The following P2RX6 variants were observed in gnomAD, a reference collection of about 807,000 sequenced individuals.
The protein encoded by P2RX6 is purinergic receptor P2X 6, also known as P2X purinoceptor 6.
A neutral mutation model predicts 54.2 loss-of-function variants in P2RX6; 62 were observed. The ratio of observed to expected loss-of-function variants is 1.14; its 90% CI spans 0.93 to 1.41. The LOEUF is 1.41. Ranked by LOEUF, P2RX6 falls within the 40% of genes most tolerant of loss-of-function variation. The probability of loss-of-function intolerance (pLI) is 0.00; values close to 1 mark genes in which losing one functional copy is unlikely to be tolerated. For missense variants in P2RX6, 541 were observed against 566.3 expected (o/e 0.96, Z 0.45); for synonymous variants, 211 against 231.9 (o/e 0.91, Z 0.82).
upstream of P2RX6, among the ~76,000 whole-genome samples, chr22:21,013,407 C>T (rs1035504606): frequency 1.3e-4 from 20 of 152,210 alleles, no homozygotes; most frequent in African/African-American, 4.6e-4. Context: ...AGCTGGACAA[C>T]CTGGGCAACA....
At chr22:21,018,922 G>GATTTCTGGAT (rs925440857) in intron 3 of P2RX6, 1 of 151,998 alleles carries the variant, frequency 6.6e-6, no homozygotes, top group Non-Finnish European at 1.5e-5. Flanking sequence ...CGCCCGGCCT[G>GATTTCTGGAT]ATTTCTGGAT....
At chr22:21,024,791 G>C (rs138356860) in intron 8 of P2RX6, among the ~76,000 whole-genome samples, 2 of 148,556 alleles carry the variant, frequency 1.3e-5, no homozygotes, top group African/African-American at 2.5e-5. Flanking sequence ...GGCTGGTCTC[G>C]AACTTCTGAC....
chr22:21,025,693 T>C, intron 8 of P2RX6, 112 bp from the exon 9 acceptor site: 1 of 739,284 alleles, frequency 1.4e-6, no homozygotes, highest in Non-Finnish European at 2.3e-6. Context: ...GGACTCAGGC[T>C]TGGGCTGGGG....
rs1342065542 is a variant in P2RX6 at position 21,026,720 on chromosome 22, C to T, written c.*103C>T. The T allele has an allele frequency of 4.7e-6, 7 of 1,474,434 alleles. No homozygotes were observed. Among genetic ancestry groups the T allele is most frequent in the African/African-American group, 1.4e-5 (1 of 71,200 alleles). 91.3% of individuals were successfully genotyped at this position (1,474,434 alleles called of 1,614,324 possible). A position where few individuals can be genotyped will look rare whatever the true frequency, so the allele number is the denominator to read the frequency against. The stretch of plus-strand genomic sequence containing the variant: ...ATGGAGGATTGGGGGTAGAATTCCA[C>T]CCTTGAACCCCAGCAGACAGTCCCT... On this transcript the variant is annotated 3_prime_UTR_variant, in exon 12 of 12. Transcript: ENST00000413302. This position sits in a 1 kb window ranked among gnomAD's most constrained non-coding sequence, Gnocchi z 4.0.
upstream of P2RX6, chr22:21,013,758 A>G (rs1356406480): frequency 6.6e-6 from 1 of 152,272 alleles, no homozygotes; most frequent in East Asian, 1.9e-4. Flanking sequence ...TCTAAATTCT[A>G]TACATCCATT....
chr22:21,015,952 C>T lies in P2RX6; in HGVS notation c.175C>T (p.Leu59Phe). 6.5e-7 allele frequency: 1 copy of T among 1,549,744 alleles called. No individual in the cohort carries two copies. The highest frequency in any genetic ancestry group is 8.7e-7 in the Non-Finnish European group (1 of 1,146,926). ...IVVYVVGWAL[L>F]AKKGYQERDL... Reference sequence around the variant, plus strand: ...ACTTCTCCTCCCCAGGTGGGCTCTCCTCGCCAAAAAAGGCTACCAGGAGCG... The same window carrying T: ...ACTTCTCCTCCCCAGGTGGGCTCTCTTCGCCAAAAAAGGCTACCAGGAGCG... The change falls in exon 2 of 12, where the codon CTC (leucine) becomes TTC (phenylalanine). Residue 59 changes from leucine to phenylalanine, a missense_variant. Leu to Phe is a conservative substitution (Grantham distance 22). This residue lies in a region of P2RX6 where 526 missense variants were observed against 531.5 expected (regional missense o/e 0.99). Transcript: ENST00000413302.
Position 21,026,811 on chromosome 22 carries a change from C to T in P2RX6, c.*194C>T, listed in dbSNP as rs529044977. 5.2e-5 allele frequency: 63 copies of T among 1,202,222 alleles called. No homozygotes were observed. The highest frequency in any genetic ancestry group is 1.8e-4 in the East Asian group (7 of 38,728). 74.5% of individuals were successfully genotyped at this position (1,202,222 alleles called of 1,614,324 possible). On this transcript the variant is annotated 3_prime_UTR_variant, in exon 12 of 12. Coordinates refer to ENST00000413302, the MANE Select transcript of P2RX6 (RefSeq NM_005446.5). The surrounding 1 kb of genome is among the most constrained non-coding windows in gnomAD (Gnocchi z 4.0). ...CATAGAAGTCGGCTGTGTTTTGAGA[C>T]GGCGACAGAACCTGACCCGTGGAGA...
At chr22:21,022,637 C>G (rs766639746) in intron 3 of P2RX6, 39 bp from the exon 4 acceptor site, 28 of 1,437,602 alleles carry the variant, frequency 1.9e-5, no homozygotes, top group Non-Finnish European at 2.6e-5. Context: ...GGGGAGACAT[C>G]CCCTGTGCCA....
chr22:21,018,522 A>G (rs1926822757), intron 3 of P2RX6: 1 of 223,344 alleles, frequency 4.5e-6, no homozygotes, highest in African/African-American at 2.3e-5. Flanking sequence ...AGCCTCTATT[A>G]ATATGTCCTG....
rs35808816 is a variant in P2RX6 at position 21,023,959 on chromosome 22, G to GT, written c.890+355dup. Among the ~76,000 whole-genome samples the GT allele has an allele frequency of 5.4e-3, 764 of 142,260 alleles. 2 individuals are homozygous for GT. Among genetic ancestry groups the GT allele is most frequent in the South Asian group, 8.0e-3 (36 of 4,478 alleles). The allele number at this position is 142,260 out of a possible 152,430, so 93.3% of individuals were successfully genotyped here. On this transcript the variant is annotated intron_variant, in intron 8 of 11. Transcript: ENST00000413302. ...CTTTCCCCTTCTCCCCTTCAGCTTT[G>GT]TTTTTTTTTTTTTTAAGACAGAATC...
rs1926732545 is a variant in P2RX6, at chr22:21,018,068, T to C, written c.387+8T>C. ...CAGGGCAGATGCCCAGAGGTGAGTT[T>C]ACCCAGGATCCTCCCAGCGGGTCCC... is the stretch of plus-strand genomic sequence containing the variant. On this transcript the variant is annotated splice_region_variant and intron_variant, in intron 3 of 11. Transcript: ENST00000413302. The C allele has an allele frequency of 6.2e-7, 1 of 1,603,200 alleles. No individual in the cohort carries two copies. The highest frequency in any genetic ancestry group is 1.7e-5 in the Admixed American group (1 of 59,782).
In P2RX6 at chr22:21,015,880, C is replaced by A; in HGVS notation, c.165-62C>A. 4 of 1,504,100 alleles carry A rather than the reference C, an allele frequency of 2.7e-6. No homozygotes were observed. In the South Asian group the frequency reaches 5.0e-5, roughly 19 times the overall value. 93.2% of individuals were successfully genotyped at this position (1,504,100 alleles called of 1,614,324 possible). On this transcript the variant is annotated intron_variant, in intron 1 of 11. Transcript: ENST00000413302. ...GGGGGAGAACTGAGCATGTAGGGCT[C>A]AGCTCCGCCCCTGTCACTACACGCT...
intron 7 of P2RX6, 26 bp from the exon 8 acceptor site, chr22:21,023,483 G>C: frequency 6.2e-7 from 1 of 1,613,702 alleles, no homozygotes; most frequent in Non-Finnish European, 8.5e-7. Flanking sequence ...CCACCCACCG[G>C]TGGAAAAGCT....
chr22:21,023,015 G>A lies in P2RX6; in HGVS notation c.537G>A (p.Val179=). 1 of 1,613,476 alleles carries A rather than the reference G, an allele frequency of 6.2e-7. No homozygotes were observed. The highest frequency in any genetic ancestry group is 8.5e-7 in the Non-Finnish European group (1 of 1,179,508). ...RTCEIWSWCP[V]ESGVVPSRPL... ...GTGAGATCTGGAGTTGGTGCCCCGT[G>A]GAGAGTGGCGTTGTGCCCTCGTAAG... Residue 179 remains valine (V), a synonymous_variant, in exon 5 of 12, where the codon GTG becomes GTA. Coordinates refer to ENST00000413302, the MANE Select transcript of P2RX6 (RefSeq NM_005446.5).
upstream of P2RX6, chr22:21,012,501 C>T: frequency 1.8e-6 from 1 of 557,448 alleles, no homozygotes; most frequent in Non-Finnish European, 3.4e-6. Flanking sequence ...TCACGCCTGC[C>T]CACCTGCCCC....
At chr22:21,022,544 CG>C (rs1288411454) in intron 3 of P2RX6, 131 bp from the exon 4 acceptor site, 1 of 599,226 alleles carries the variant, frequency 1.7e-6, no homozygotes, top group Non-Finnish European at 2.9e-6. Flanking sequence ...ACTCTGGCGG[CG>C]GGGTGGTGAG....
intron 5 of P2RX6, 23 bp from the exon 6 acceptor site, chr22:21,023,095 T>G (rs374022935): frequency 1.2e-6 from 2 of 1,613,246 alleles, no homozygotes; most frequent in African/African-American, 2.7e-5. Context: ...TGGCAGAGGC[T>G]GTCACCTCCC....
At chr22:21,021,190 T>A (rs1416555265) in intron 3 of P2RX6, among the ~76,000 whole-genome samples, 2 of 152,214 alleles carry the variant, frequency 1.3e-5, no homozygotes, top group South Asian at 4.1e-4. Context: ...TTGCCCAGGC[T>A]GGTCTCGAAC....
chr22:21,018,132 C>G, intron 3 of P2RX6, 72 bp downstream of exon 3: 1 of 965,460 alleles, frequency 1.0e-6, no homozygotes, highest in East Asian at 2.6e-5. Context: ...CCCGTGTTTC[C>G]CTTTCCCCTT....
Sources: gnomAD v4.1 joint callset for allele counts (sites outside exome capture counted in the v4.1 genomes callset) on GRCh38, gnomAD v4.1.1 for gene constraint, gnomAD v4.1.1 regional missense constraint, Gnocchi (gnomAD v3.1) non-coding constraint, MANE v1.5 for transcripts, NCBI Gene and HGNC (gene_info 2026-07-23, HGNC 2026-07-21) for gene names.